PLEKHA7: variants seen among roughly 807,000 people sequenced by gnomAD.
PLEKHA7 encodes pleckstrin homology domain-containing family A member 7.
In PLEKHA7, 104 loss-of-function variants were observed where a neutral mutation model predicts 170.0. The observed-to-expected ratio is 0.61, with a 90% CI of 0.52 to 0.72. The LOEUF (loss-of-function observed/expected upper bound fraction) is 0.72, where lower values mean the gene tolerates loss of function less well. Ranked by LOEUF, PLEKHA7 falls within the 30% of genes least tolerant of loss-of-function variation. The pLI is 0.00. For synonymous variants in PLEKHA7, 648 were observed against 660.8 expected (o/e 0.98, Z 0.30); for missense variants, 1,615 against 1,671.7 (o/e 0.97, Z 0.59).
chr11:16,973,552 T>C (rs1326019296), intron 3 of PLEKHA7, among the ~76,000 whole-genome samples: 1 of 152,208 alleles, frequency 6.6e-6, no homozygotes, highest in Non-Finnish European at 1.5e-5. Flanking sequence ...CACATGGTTC[T>C]CAACCCTCGC....
chr11:16,937,859 C>T (rs756922175), intron 3 of PLEKHA7, among the ~76,000 whole-genome samples: 1 of 152,122 alleles, frequency 6.6e-6, no homozygotes, highest in Non-Finnish European at 1.5e-5. Flanking sequence ...CCACCCGCCT[C>T]GGCCTCCCAA....
intron 3 of PLEKHA7, among the ~76,000 whole-genome samples, chr11:16,950,296 T>G (rs965305667): frequency 2.0e-5 from 3 of 152,090 alleles, no homozygotes; most frequent in Admixed American, 2.0e-4. Flanking sequence ...CATACTAGCC[T>G]TCAAAGAAAT....
At position 16,807,084 on chromosome 11, in the gene PLEKHA7, G is replaced by A. The variant is rs549885457; in HGVS notation, c.2008-3789C>T. 5.1e-5 allele frequency: 42 copies of A among 826,000 alleles called. 1 individual carries two copies. The South Asian group carries it at 2.0e-3, about 39-fold the overall frequency. The allele number at this position is 826,000 out of a possible 1,614,324, so 51.2% of individuals were successfully genotyped here. ...AACTGGTTAAGCAAGTGATGAAGTC[G>A]GCACCGAGCCAGAAGCAATGGAATG... On this transcript the variant is annotated intron_variant, in intron 13 of 26. Transcript: ENST00000531066.
chr11:16,929,640 G>A (rs931718180), intron 3 of PLEKHA7, among the ~76,000 whole-genome samples: 1 of 152,204 alleles, frequency 6.6e-6, no homozygotes, highest in African/African-American at 2.4e-5. Flanking sequence ...TTCCTTTTAG[G>A]GGGTGGATGT....
chr11:16,958,301 A>T (rs1249804578), intron 3 of PLEKHA7, among the ~76,000 whole-genome samples: 1 of 152,154 alleles, frequency 6.6e-6, no homozygotes, highest in East Asian at 1.9e-4. Flanking sequence ...TGGGCAACAG[A>T]GCAAGACTCT....
chr11:16,810,121 C>A (rs1590190701), intron 13 of PLEKHA7, among the ~76,000 whole-genome samples: 1 of 152,236 alleles, frequency 6.6e-6, no homozygotes, highest in South Asian at 2.1e-4. Context: ...GTGGCTGAGC[C>A]CCGGGAATGG....
intron 3 of PLEKHA7, among the ~76,000 whole-genome samples, chr11:16,941,566 C>T (rs1009141266): frequency 6.6e-6 from 1 of 152,230 alleles, no homozygotes; most frequent in Admixed American, 6.5e-5. Context: ...ATTTACAGAA[C>T]ACTTACTATG....
intron 4 of PLEKHA7, among the ~76,000 whole-genome samples, chr11:16,870,641 CAAAAA>C (rs11321089): frequency 1.8e-4 from 20 of 110,736 alleles, no homozygotes; most frequent in Admixed American, 4.0e-4. Context: ...GACCCTGCCT[CAAAAA>C]AAAAAAAAAA....
intron 3 of PLEKHA7, among the ~76,000 whole-genome samples, chr11:16,942,255 G>A (rs1042063464): frequency 1.3e-5 from 2 of 152,190 alleles, no homozygotes; most frequent in Admixed American, 1.3e-4. Flanking sequence ...CCTTAGAACA[G>A]GTCTAAGGAG....
intron 9 of PLEKHA7, among the ~76,000 whole-genome samples, chr11:16,834,843 G>C (rs1465437660): frequency 6.6e-6 from 1 of 152,154 alleles, no homozygotes; most frequent in Non-Finnish European, 1.5e-5. Flanking sequence ...TACTTGGGGG[G>C]GCGGGGGCAG....
chr11:16,853,768 G>A (rs1853186643), intron 6 of PLEKHA7, among the ~76,000 whole-genome samples: 1 of 152,304 alleles, frequency 6.6e-6, no homozygotes, highest in Admixed American at 6.5e-5. Flanking sequence ...AGGGGCAAGT[G>A]GGCACAAGAG....
intron 3 of PLEKHA7, among the ~76,000 whole-genome samples, chr11:16,909,889 C>T (rs1858125610): frequency 1.3e-5 from 2 of 152,012 alleles, no homozygotes; most frequent in South Asian, 4.2e-4. Flanking sequence ...CCTTCGGAAA[C>T]CTCACCATAA....
At chr11:16,868,477 A>T (rs942171884) in intron 4 of PLEKHA7, among the ~76,000 whole-genome samples, 7 of 152,206 alleles carry the variant, frequency 4.6e-5, no homozygotes, top group Non-Finnish European at 2.9e-5. Context: ...CAATAAGAGC[A>T]GGCAAATTCC....
At position 16,851,306 on chromosome 11, in the gene PLEKHA7, A is replaced by G; in HGVS notation, c.596-15T>C. Reference sequence around the variant, plus strand: ...TTCTCGGCTGTCTTTGAATGGAAAAATGCATCAGAACAACCTTCTGGGCAG... The same window carrying G: ...TTCTCGGCTGTCTTTGAATGGAAAAGTGCATCAGAACAACCTTCTGGGCAG... On this transcript the variant is annotated splice_polypyrimidine_tract_variant and intron_variant, in intron 7 of 26. Coordinates refer to ENST00000531066, the MANE Select transcript of PLEKHA7 (RefSeq NM_001329630.2). The G allele has an allele frequency of 6.3e-7, 1 of 1,599,784 alleles. No homozygotes were observed. The highest frequency in any genetic ancestry group is 8.5e-7 in the Non-Finnish European group (1 of 1,170,026).
At chr11:16,945,134 C>A (rs951588033) in intron 3 of PLEKHA7, among the ~76,000 whole-genome samples, 2 of 152,090 alleles carry the variant, frequency 1.3e-5, no homozygotes, top group African/African-American at 4.8e-5. Flanking sequence ...TGGGGTTTCA[C>A]CATGTTGGCC....
intron 17 of PLEKHA7, 105 bp from the exon 18 acceptor site, chr11:16,795,123 A>AT: frequency 1.2e-6 from 1 of 810,640 alleles, no homozygotes; most frequent in South Asian, 1.5e-5. Flanking sequence ...GAGGGGCAGC[A>AT]TCCCCTCTGG....
At position 16,871,093 on chromosome 11, in the gene PLEKHA7, A is replaced by G; in HGVS notation, c.305+6T>C. On this transcript the variant is annotated splice_donor_region_variant and intron_variant, in intron 4 of 26. Coordinates refer to ENST00000531066, the MANE Select transcript of PLEKHA7 (RefSeq NM_001329630.2). ...CCAGATAAGGAGAATACATAAAAAG[A>G]CTTACTCTTCTTGAAGAATGAATTC... 2 of 1,578,620 alleles carry G rather than the reference A, an allele frequency of 1.3e-6. No homozygotes were observed. The highest frequency in any genetic ancestry group is 1.7e-6 in the Non-Finnish European group (2 of 1,148,168).
chr11:16,895,017 C>T (rs1203726206), intron 3 of PLEKHA7, among the ~76,000 whole-genome samples: 1 of 152,110 alleles, frequency 6.6e-6, no homozygotes, highest in Non-Finnish European at 1.5e-5. Context: ...TAAGTTTACA[C>T]AGCTAGTAGG....
Position 16,794,437 on chromosome 11 carries a change from T to C in PLEKHA7, c.2745+51A>G, listed in dbSNP as rs368606878. The C allele has an allele frequency of 1.4e-5, 21 of 1,543,746 alleles. No homozygotes were observed. The African/African-American group carries it at 2.9e-4, about 21-fold the overall frequency. On this transcript the variant is annotated intron_variant, in intron 19 of 26. Coordinates refer to ENST00000531066, the MANE Select transcript of PLEKHA7 (RefSeq NM_001329630.2). ...GTTTCTCTCCCAGGAGAAGGTAATCTGAGGACAGAGAGGAAACAATGGCAT... is the reference window on the plus strand; with the variant it reads ...GTTTCTCTCCCAGGAGAAGGTAATCCGAGGACAGAGAGGAAACAATGGCAT...
Sources: allele counts gnomAD v4.1 joint callset (sites outside exome capture counted in the v4.1 genomes callset), GRCh38; gene constraint gnomAD v4.1.1; transcripts MANE v1.5; gene names NCBI Gene and HGNC (gene_info 2026-07-23, HGNC 2026-07-21).